ZNF529: variants seen among roughly 807,000 people sequenced by gnomAD.
The protein encoded by ZNF529 is zinc finger protein 529.
Under a neutral mutation model 10.1 loss-of-function variants are expected in ZNF529, and 11 were observed. The ratio of observed to expected loss-of-function variants is 1.09; its 90% CI spans 0.69 to 1.81. The LOEUF (loss-of-function observed/expected upper bound fraction) is 1.81, where lower values mean the gene tolerates loss of function less well. Ranked by LOEUF, ZNF529 falls within the 40% of genes most tolerant of loss-of-function variation. The pLI, the probability that ZNF529 is intolerant of heterozygous loss-of-function variation, is 0.00. For synonymous variants in ZNF529, 204 were observed against 215.7 expected (o/e 0.95, Z 0.47); for missense variants, 624 against 666.8 (o/e 0.94, Z 0.71).
chr19:36,568,906 T>C (rs2035995546), intron 2 of ZNF529, among the ~76,000 whole-genome samples: 1 of 152,158 alleles, frequency 6.6e-6, no homozygotes, highest in Non-Finnish European at 1.5e-5. Flanking sequence ...CACTGCAGGA[T>C]ATAAGATCAG....
At chr19:36,556,014 G>T (rs2035456703) in intron 3 of ZNF529, 90 bp downstream of exon 3, 4 of 1,334,386 alleles carry the variant, frequency 3.0e-6, no homozygotes, top group Non-Finnish European at 4.2e-6. Flanking sequence ...AGAAGTATGG[G>T]GTTGTGGTAC....
At position 36,546,804 on chromosome 19, in the gene ZNF529, A is replaced by T; in HGVS notation, c.*62T>A. The T allele has an allele frequency of 6.6e-7, 1 of 1,521,740 alleles. No homozygotes were observed. The highest frequency in any genetic ancestry group is 8.8e-7 in the Non-Finnish European group (1 of 1,131,424). The allele number at this position is 1,521,740 out of a possible 1,614,324, so 94.3% of individuals were successfully genotyped here. A position where few individuals can be genotyped will look rare whatever the true frequency, so the allele number is the denominator to read the frequency against. ...TACTGAATTGCCTTGATTACCTATT[A>T]AATCCATCCACAGTATTTTCCTGTG... On this transcript the variant is annotated 3_prime_UTR_variant, in exon 5 of 5. Coordinates refer to ENST00000591340, the MANE Select transcript of ZNF529 (RefSeq NM_020951.5).
At chr19:36,598,371 C>T (rs557543603) in intron 1 of ZNF529, among the ~76,000 whole-genome samples, 2 of 151,714 alleles carry the variant, frequency 1.3e-5, no homozygotes, top group Non-Finnish European at 2.9e-5. Context: ...TTAGCCGGGC[C>T]GAGTGACATG....
chr19:36,597,667 T>C (rs1270297983), intron 1 of ZNF529, among the ~76,000 whole-genome samples: 2 of 152,296 alleles, frequency 1.3e-5, no homozygotes, highest in Non-Finnish European at 2.9e-5. Flanking sequence ...AGTATTTCTA[T>C]AGAAAAATTT....
At chr19:36,598,759 A>G (rs971401281) in intron 1 of ZNF529, among the ~76,000 whole-genome samples, 2 of 152,216 alleles carry the variant, frequency 1.3e-5, no homozygotes, top group African/African-American at 2.4e-5. Flanking sequence ...CATGGCACAT[A>G]ATAAGTACCT....
At chr19:36,587,979 C>A (rs2036618263) in intron 2 of ZNF529, among the ~76,000 whole-genome samples, 1 of 152,076 alleles carries the variant, frequency 6.6e-6, no homozygotes, top group Non-Finnish European at 1.5e-5. Context: ...GAAACCCTTT[C>A]TTTACTAAAA....
intron 2 of ZNF529, among the ~76,000 whole-genome samples, chr19:36,561,383 CTT>C (rs78597357): frequency 3.0e-4 from 41 of 137,212 alleles, no homozygotes; most frequent in Admixed American, 6.6e-4. Flanking sequence ...AAAGAGATTT[CTT>C]TTTTTTTTTT....
At chr19:36,556,501 C>T (rs1228982929) in intron 2 of ZNF529, among the ~76,000 whole-genome samples, 2 of 152,194 alleles carry the variant, frequency 1.3e-5, no homozygotes, top group Admixed American at 6.5e-5. Flanking sequence ...TTTCACTCTG[C>T]CCCAGTTACC....
In ZNF529 at chr19:36,588,993, A is replaced by G. The variant is rs552228543; in HGVS notation, c.-41+622T>C. 8.8e-5 allele frequency among the ~76,000 whole-genome samples: 13 copies of G among 148,348 alleles called. No individual in the cohort carries two copies. In the East Asian group the frequency reaches 2.4e-3, roughly 27 times the overall value. On this transcript the variant is annotated intron_variant, in intron 2 of 4. Coordinates refer to the ZNF529 transcript ENST00000585960. ...GATCACGCTCTGTCACCCAGGCTGG[A>G]GTGCAATGGCACAGATCACTGCTCA...
At chr19:36,575,837 T>C (rs189380339), upstream of ZNF529, among the ~76,000 whole-genome samples, 1 of 152,166 alleles carries the variant, frequency 6.6e-6, no homozygotes, top group African/African-American at 2.4e-5. Flanking sequence ...ACATGTGTTT[T>C]TTTTTTGTTT....
chr19:36,554,316 C>T lies in ZNF529; in HGVS notation c.235+354G>A, dbSNP rs1055478076. On this transcript the variant is annotated intron_variant, in intron 4 of 4. Transcript: ENST00000591340. ...GCCTTGAGGACGGCGCAGTGGCTCA[C>T]ACCTGTAATCCCAGCACTTTGGGAG... Among the ~76,000 whole-genome samples, 5 of 152,172 alleles carry T rather than the reference C, an allele frequency of 3.3e-5. No homozygotes were observed. The East Asian group carries it at 7.7e-4, about 23-fold the overall frequency.
intron 2 of ZNF529, among the ~76,000 whole-genome samples, chr19:36,585,295 G>A (rs915891353): frequency 6.6e-6 from 1 of 152,140 alleles, no homozygotes; most frequent in African/African-American, 2.4e-5. Context: ...TTTTTGTGAC[G>A]TTTGATAGAG....
intron 4 of ZNF529, 89 bp from the exon 5 acceptor site, chr19:36,548,411 A>G: frequency 2.4e-6 from 3 of 1,257,528 alleles, no homozygotes. Context: ...TTCACCATAT[A>G]CATGAATTGG....
chr19:36,549,679 T>C (rs936253293), intron 4 of ZNF529, among the ~76,000 whole-genome samples: 22 of 152,344 alleles, frequency 1.4e-4, no homozygotes, highest in Admixed American at 9.2e-4. Context: ...AGAGCCATGA[T>C]TGACATGTGG....
chr19:36,545,918 T>A lies in ZNF529; in HGVS notation c.*948A>T, dbSNP rs1473797410. 1 of 151,886 alleles carries A rather than the reference T, an allele frequency of 6.6e-6. No individual in the cohort carries two copies. Among genetic ancestry groups the A allele is most frequent in the Non-Finnish European group, 1.5e-5 (1 of 67,940 alleles). 9.4% of individuals were successfully genotyped at this position (151,886 alleles called of 1,614,324 possible). ...TTTAAAAGAGTTCTCTTCATTTGGA[T>A]CCTGGTTGGTATAGCCTGCAGGTAA... On this transcript the variant is annotated 3_prime_UTR_variant, in exon 5 of 5. Coordinates refer to ENST00000591340, the MANE Select transcript of ZNF529 (RefSeq NM_020951.5).
chr19:36,547,075 C>T lies in ZNF529; in HGVS notation c.1483G>A (p.Glu495Lys), dbSNP rs761613672. 1 of 1,613,606 alleles carries T rather than the reference C, an allele frequency of 6.2e-7. No homozygotes were observed. The highest frequency in any genetic ancestry group is 8.5e-7 in the Non-Finnish European group (1 of 1,179,874). The change falls in exon 5 of 5, where the codon GAA becomes AAA. Residue 495 changes from glutamate (E) to lysine (K), a missense_variant. Coordinates refer to ENST00000591340, the MANE Select transcript of ZNF529 (RefSeq NM_020951.5). ...KAFRHSSALT[E>K]HQRIHTGEKP... ...TCTCCAGTATGAATTCTCTGATGTT[C>T]TGTAAGGGCTGAACTATGTCTAAAG... is the stretch of plus-strand genomic sequence containing the variant.
At chr19:36,591,690 A>G (rs939061308) in intron 1 of ZNF529, among the ~76,000 whole-genome samples, 11 of 150,734 alleles carry the variant, frequency 7.3e-5, no homozygotes, top group African/African-American at 2.7e-4. Context: ...GTGCCACTGC[A>G]CTCCAGCCTG....
chr19:36,597,587 G>T (rs1166227093), intron 1 of ZNF529, among the ~76,000 whole-genome samples: 1 of 152,112 alleles, frequency 6.6e-6, no homozygotes, highest in Non-Finnish European at 1.5e-5. Context: ...CTGTGTGCAG[G>T]GGTGGGGGAG....
intron 2 of ZNF529, among the ~76,000 whole-genome samples, chr19:36,588,017 A>G (rs1436198185): frequency 6.6e-6 from 1 of 152,130 alleles, no homozygotes. Context: ...GTGTGGTGGC[A>G]TGTGCCTGTA....
Sources: allele counts gnomAD v4.1 joint callset (sites outside exome capture counted in the v4.1 genomes callset), GRCh38; gene constraint gnomAD v4.1.1; transcripts MANE v1.5; gene names NCBI Gene and HGNC (gene_info 2026-07-23, HGNC 2026-07-21).